Variants in ANK3 observed in about 807,000 individuals in gnomAD.
ANK3 encodes the protein ankyrin 3.
Under a neutral mutation model 370.9 loss-of-function variants are expected in ANK3, and 57 were observed. That is an observed-to-expected ratio of 0.15 (90% CI 0.12 to 0.19). The LOEUF (loss-of-function observed/expected upper bound fraction) is 0.19. ANK3 is among the 10% of genes least tolerant of loss of function. The probability of loss-of-function intolerance (pLI) is 1.00; values close to 1 mark genes in which losing one functional copy is unlikely to be tolerated. For missense variants in ANK3, 4,439 were observed against 5,302.1 expected (o/e 0.84, Z 5.06); for synonymous variants, 1,929 against 1,946.3 (o/e 0.99, Z 0.23).
intron 26 of ANK3, among the ~76,000 whole-genome samples, chr10:60,110,412 A>T (rs2092617299): frequency 6.6e-6 from 1 of 152,140 alleles, no homozygotes; most frequent in South Asian, 2.1e-4. Context: ...GGATTTAACC[A>T]TTTTACTCTG....
chr10:60,243,429 C>T (rs1036162663), intron 7 of ANK3, among the ~76,000 whole-genome samples: 11 of 152,178 alleles, frequency 7.2e-5, no homozygotes, highest in African/African-American at 2.7e-4. Flanking sequence ...CTGAACTGGA[C>T]ATGCATACTC....
At chr10:60,677,797 AAAGAAAAG>A (rs1264722199) in intron 1 of ANK3, among the ~76,000 whole-genome samples, 1 of 147,776 alleles carries the variant, frequency 6.8e-6, no homozygotes, top group Non-Finnish European at 1.5e-5. Flanking sequence ...AAAAAAAAAA[AAAGAAAAG>A]AAAAGAAAAG....
intron 23 of ANK3, among the ~76,000 whole-genome samples, chr10:60,163,149 A>T (rs2095539917): frequency 6.6e-6 from 1 of 151,866 alleles, no homozygotes; most frequent in South Asian, 2.1e-4. Flanking sequence ...TTCTATACAC[A>T]CACTCTTTCA....
At chr10:60,617,531 G>T (rs1241101357) in intron 1 of ANK3, among the ~76,000 whole-genome samples, 1 of 152,094 alleles carries the variant, frequency 6.6e-6, no homozygotes, top group African/African-American at 2.4e-5. Flanking sequence ...CTATCTTGCA[G>T]CCTTGTTGTA....
At chr10:60,269,549 G>A (rs924160543) in intron 5 of ANK3, among the ~76,000 whole-genome samples, 3 of 151,994 alleles carry the variant, frequency 2.0e-5, no homozygotes, top group African/African-American at 7.2e-5. Flanking sequence ...GGAGGCTGAG[G>A]CAGGATAATT....
chr10:60,720,416 G>A (rs2079847662), intron 1 of ANK3, among the ~76,000 whole-genome samples: 1 of 152,236 alleles, frequency 6.6e-6, no homozygotes, highest in African/African-American at 2.4e-5. Context: ...ATGTTATTTA[G>A]CAGAAAATTG....
chr10:60,423,342 G>T (rs76861408), intron 2 of ANK3, among the ~76,000 whole-genome samples: 22,921 of 151,334 alleles, frequency 0.15, 1,745 homozygotes, highest in South Asian at 0.17. Context: ...ATCCATAGCT[G>T]CCTCTGAGTC....
chr10:60,234,681 C>CAGTA lies in ANK3; in HGVS notation c.897+6_897+7insTACT. On this transcript the variant is annotated splice_region_variant and intron_variant, in intron 8 of 43. Transcript: ENST00000280772. Reference sequence around the variant, plus strand: ...AGTAGAAGCAGGTACATAAGTTGCACACTTACCCTGGTTTTGGCATCGATT... The same window carrying CAGTA: ...AGTAGAAGCAGGTACATAAGTTGCACAGTAACTTACCCTGGTTTTGGCATCGATT... The CAGTA allele has an allele frequency of 6.3e-7, 1 of 1,593,070 alleles. No homozygotes were observed. Among genetic ancestry groups the CAGTA allele is most frequent in the Non-Finnish European group, 8.6e-7 (1 of 1,161,258 alleles).
intron 1 of ANK3, among the ~76,000 whole-genome samples, chr10:60,313,880 C>T (rs1036879984): frequency 1.3e-5 from 2 of 152,090 alleles, no homozygotes; most frequent in African/African-American, 4.8e-5. Context: ...AATAGCACCT[C>T]CAGCCTGCAT....
intron 2 of ANK3, among the ~76,000 whole-genome samples, chr10:60,474,238 A>G (rs143273927): frequency 2.1e-4 from 32 of 150,322 alleles, no homozygotes; most frequent in African/African-American, 7.1e-4. Context: ...AGTTTTTCAA[A>G]AAGTCCAGGT....
chr10:60,562,589 A>AT (rs1251480312), intron 2 of ANK3, among the ~76,000 whole-genome samples: 1 of 152,004 alleles, frequency 6.6e-6, no homozygotes, highest in Non-Finnish European at 1.5e-5. Context: ...TATTTTTTGT[A>AT]TTTTTAGTAG....
chr10:60,075,649 T>A lies in ANK3; in HGVS notation c.5232A>T (p.Lys1744Asn). The change falls in exon 37 of 44, where the codon AAA becomes AAT. Residue 1744 changes from lysine (K) to asparagine (N), a missense_variant. By Grantham distance (94) the Lys-to-Asn change is moderately conservative (BLOSUM62 0). Transcript: ENST00000280772. ...TCACAGAGTTTGTAGCAGAAGAAAT[T>A]TTTTCCTGTAACGTGGCAGTGGCTT... is the stretch of plus-strand genomic sequence containing the variant. ...GCKATATLQE[K>N]ISSATNSVSS... 1 of 1,614,034 alleles carries A rather than the reference T, an allele frequency of 6.2e-7. No homozygotes were observed. Among genetic ancestry groups the A allele is most frequent in the Non-Finnish European group, 8.5e-7 (1 of 1,179,976 alleles).
At position 60,045,916 on chromosome 10, in the gene ANK3, A is replaced by ATT. The variant is rs35437805; in HGVS notation, c.13066-3159_13066-3158dup. Among the ~76,000 whole-genome samples, 607 of 149,324 alleles carry ATT rather than the reference A, an allele frequency of 4.1e-3. 4 individuals are homozygous for ATT. Among genetic ancestry groups the ATT allele is most frequent in the African/African-American group, 0.011 (444 of 40,832 alleles). ...GTTTTGCTAGCAAAGTTTTGTTCTC[A>ATT]TTTTTTTTTTTTCTTATTACAAAGT... On this transcript the variant is annotated intron_variant, in intron 42 of 43. Transcript: ENST00000280772.
Position 60,071,973 on chromosome 10 carries a change from T to A in ANK3, c.8908A>T (p.Met2970Leu). The A allele has an allele frequency of 6.2e-7, 1 of 1,614,110 alleles. No individual in the cohort carries two copies. Among genetic ancestry groups the A allele is most frequent in the Non-Finnish European group, 8.5e-7 (1 of 1,179,996 alleles). Residue 2970 changes from methionine to leucine, a missense_variant, in exon 37 of 44, where the codon ATG becomes TTG. Met to Leu is a conservative substitution (Grantham distance 15). This residue lies in a region of ANK3 where 1,601 missense variants were observed against 1,731.7 expected (regional missense o/e 0.92). Coordinates refer to ENST00000280772, the MANE Select transcript of ANK3 (RefSeq NM_020987.5). ...CCATCGGGAATATTAGAAGACAGCA[T>A]TCTCCTCTCATCAGCAACTCTGACG... is the stretch of plus-strand genomic sequence containing the variant. ...IPVRVADERR[M>L]LSSNIPDGFC... is the part of the protein sequence containing the mutation.
intron 1 of ANK3, among the ~76,000 whole-genome samples, chr10:60,288,083 A>G (rs2040443807): frequency 6.6e-6 from 1 of 152,130 alleles, no homozygotes; most frequent in Non-Finnish European, 1.5e-5. Flanking sequence ...ATATCTTTTT[A>G]TTCCTCAACT....
chr10:60,215,584 C>A (rs373664876), intron 8 of ANK3, among the ~76,000 whole-genome samples: 2 of 152,088 alleles, frequency 1.3e-5, no homozygotes, highest in Non-Finnish European at 2.9e-5. Context: ...TATGTCTAGC[C>A]GGTTTTCCCA....
chr10:60,177,628 C>T (rs894227912), intron 18 of ANK3, among the ~76,000 whole-genome samples: 1 of 112,782 alleles, frequency 8.9e-6, no homozygotes, highest in Non-Finnish European at 1.7e-5. Flanking sequence ...GATGGAGTCT[C>T]GCTCTGTCGC....
At chr10:60,395,560 C>CTTTCTTTCTTTCTTTCT (rs2063205589) in intron 2 of ANK3, among the ~76,000 whole-genome samples, 3 of 90,916 alleles carry the variant, frequency 3.3e-5, no homozygotes, top group South Asian at 6.9e-4. Flanking sequence ...CTCTTTCTTT[C>CTTTCTTTCTTTCTTTCT]TTTCTTTCTT....
Position 60,073,115 on chromosome 10 carries a change from G to C in ANK3, c.7766C>G (p.Thr2589Ser), listed in dbSNP as rs562676999. The C allele has an allele frequency of 4.2e-5, 67 of 1,613,962 alleles. No individual in the cohort carries two copies. The highest frequency in any genetic ancestry group is 3.3e-4 in the Middle Eastern group (2 of 6,082). The stretch of plus-strand genomic sequence containing the variant: ...GTCACGAAAAAACTGTGACACTTCA[G>C]TCAGTTTTTCTTCAGCCTCCTTCAC... ...RTVKEAEEKL[T>S]EVSQFFRDKT... The change falls in exon 37 of 44, where the codon ACT becomes AGT. Residue 2589 changes from threonine (T) to serine (S), a missense_variant. Thr to Ser is a moderately conservative substitution (Grantham distance 58). Around this residue, in one of 13 missense-constraint regions of ANK3, gnomAD observed 1,601 missense variants for 1,731.7 expected, o/e 0.92. Transcript: ENST00000280772.
Sources: allele counts gnomAD v4.1 joint callset (sites outside exome capture counted in the v4.1 genomes callset), GRCh38; gene constraint gnomAD v4.1.1; regional missense constraint gnomAD v4.1.1; transcripts MANE v1.5; gene names NCBI Gene and HGNC (gene_info 2026-07-23, HGNC 2026-07-21).